The following BCL2 variants were observed in gnomAD, a reference collection of about 807,000 sequenced individuals.
BCL2 encodes BCL2 apoptosis regulator.
Under a neutral mutation model 14.2 loss-of-function variants are expected in BCL2, and 1 was observed. The observed-to-expected ratio is 0.07, with a 90% CI of 0.02 to 0.33. The LOEUF is 0.33. Ranked by LOEUF, BCL2 falls within the 10% of genes least tolerant of loss-of-function variation. The probability of loss-of-function intolerance (pLI) is 0.99; values close to 1 mark genes in which losing one functional copy is unlikely to be tolerated. For synonymous variants in BCL2, 151 were observed against 137.2 expected, an observed-to-expected ratio of 1.10 and a Z score of -0.70; for missense variants, 247 against 305.9, an observed-to-expected ratio of 0.81 and a Z score of 1.44.
intron 2 of BCL2, among the ~76,000 whole-genome samples, chr18:63,145,910 G>C (rs984123166): frequency 1.3e-5 from 2 of 152,158 alleles, no homozygotes; most frequent in Admixed American, 6.5e-5. Flanking sequence ...TGAACAGCGA[G>C]GAGTTGGTGG....
intron 2 of BCL2, among the ~76,000 whole-genome samples, chr18:63,235,103 A>C (rs138752497): frequency 7.6e-4 from 116 of 152,074 alleles, no homozygotes; most frequent in African/African-American, 2.7e-3. Flanking sequence ...GTAATCAGGA[A>C]ATTGCAACTG....
chr18:63,310,687 A>G (rs897368201), intron 2 of BCL2, among the ~76,000 whole-genome samples: 3 of 152,198 alleles, frequency 2.0e-5, no homozygotes, highest in Admixed American at 6.5e-5. Flanking sequence ...GTTAGTGTGC[A>G]TGTTTTCCTA....
chr18:63,223,156 C>T (rs1910449136), intron 2 of BCL2, among the ~76,000 whole-genome samples: 1 of 152,032 alleles, frequency 6.6e-6, no homozygotes, highest in Admixed American at 6.6e-5. Context: ...AATCCCAGCA[C>T]TTTGGGAGGC....
chr18:63,147,983 T>A (rs1284983320), intron 2 of BCL2, among the ~76,000 whole-genome samples: 1 of 152,178 alleles, frequency 6.6e-6, no homozygotes, highest in African/African-American at 2.4e-5. Context: ...GAATGTTTCA[T>A]TCTCCATGCC....
intron 2 of BCL2, chr18:63,161,942 C>T (rs1033244203): frequency 1.3e-5 from 2 of 152,224 alleles, no homozygotes; most frequent in Non-Finnish European, 2.9e-5. Context: ...CCAGCCGGTC[C>T]ATGTGACCTG....
At chr18:63,166,112 G>A (rs1171513567) in intron 2 of BCL2, among the ~76,000 whole-genome samples, 3 of 152,208 alleles carry the variant, frequency 2.0e-5, no homozygotes, top group Admixed American at 1.3e-4. Context: ...GGCTTCCTCG[G>A]AGGGGGACTG....
At chr18:63,141,357 C>G (rs1914355834) in intron 2 of BCL2, among the ~76,000 whole-genome samples, 2 of 152,210 alleles carry the variant, frequency 1.3e-5, no homozygotes. Context: ...CTCCACTGCT[C>G]TTCTCCCCAC....
intron 2 of BCL2, among the ~76,000 whole-genome samples, chr18:63,283,959 G>GGA (rs1175061468): frequency 6.6e-6 from 1 of 152,152 alleles, no homozygotes; most frequent in Non-Finnish European, 1.5e-5. Context: ...AAATCTGACT[G>GGA]GAGACTCCAC....
At position 63,318,840 on chromosome 18, in the gene BCL2, C is replaced by G; in HGVS notation, c.-174G>C. ...CGGAACACTTGATTCTGGTGTTTCC[C>G]CCTTGGCATGAGATGCAGGAAATTT... On this transcript the variant is annotated 5_prime_UTR_variant, in exon 2 of 3. Transcript: ENST00000333681. The surrounding 1 kb of genome is among the most constrained non-coding windows in gnomAD (Gnocchi z 7.4). 1 of 1,403,602 alleles carries G rather than the reference C, an allele frequency of 7.1e-7. No individual in the cohort carries two copies. The highest frequency in any genetic ancestry group is 9.3e-7 in the Non-Finnish European group (1 of 1,077,198). The allele number at this position is 1,403,602 out of a possible 1,614,324, so 86.9% of individuals were successfully genotyped here. A position where few individuals can be genotyped will look rare whatever the true frequency, so the allele number is the denominator to read the frequency against.
intron 2 of BCL2, among the ~76,000 whole-genome samples, chr18:63,251,301 T>G: frequency 6.6e-6 from 1 of 151,972 alleles, no homozygotes; most frequent in East Asian, 1.9e-4. Context: ...GGAACAGTCC[T>G]TGGAAAAGGA....
rs1913945455 is a variant in BCL2 at position 63,127,626 on chromosome 18, A to T, written c.*999T>A. The T allele has an allele frequency of 4.3e-6, 1 of 230,912 alleles. No individual in the cohort carries two copies. The highest frequency in any genetic ancestry group is 8.6e-6 in the Non-Finnish European group (1 of 116,570). 14.3% of individuals were successfully genotyped at this position (230,912 alleles called of 1,614,324 possible). A position where few individuals can be genotyped will look rare whatever the true frequency, so the allele number is the denominator to read the frequency against. On this transcript the variant is annotated 3_prime_UTR_variant, in exon 3 of 3. Transcript: ENST00000333681. ...GCTCAGTTCCAGGACCAGGCCTCCA[A>T]GCTGGGACACAGGCAGGTTCTGCGG...
chr18:63,274,466 G>C (rs564615103), intron 2 of BCL2, among the ~76,000 whole-genome samples: 3 of 151,860 alleles, frequency 2.0e-5, no homozygotes, highest in Admixed American at 2.0e-4. Context: ...TGTATTTTTA[G>C]TAGAGACAGG....
chr18:63,261,823 G>A (rs11875445), intron 2 of BCL2, among the ~76,000 whole-genome samples: 3,528 of 148,962 alleles, frequency 0.024, 118 homozygotes, highest in African/African-American at 0.079. Flanking sequence ...ACAGAATCTC[G>A]CTCTGGAGTG....
intron 2 of BCL2, among the ~76,000 whole-genome samples, chr18:63,269,833 C>T (rs1040438974): frequency 6.6e-6 from 1 of 151,982 alleles, no homozygotes; most frequent in Non-Finnish European, 1.5e-5. Flanking sequence ...AGGTATCTTC[C>T]AACATTTGCA....
At chr18:63,266,986 G>A (rs1221920295) in intron 2 of BCL2, among the ~76,000 whole-genome samples, 1 of 152,206 alleles carries the variant, frequency 6.6e-6, no homozygotes, top group Non-Finnish European at 1.5e-5. Flanking sequence ...AAGCTCAGTA[G>A]GAGTTAGGCA....
intron 2 of BCL2, among the ~76,000 whole-genome samples, chr18:63,135,143 T>G (rs1326651987): frequency 6.6e-6 from 1 of 152,216 alleles, no homozygotes; most frequent in African/African-American, 2.4e-5. Flanking sequence ...AGGAAATTCG[T>G]GGTGGACAGG....
At chr18:63,175,139 G>A (rs1280511017) in intron 2 of BCL2, among the ~76,000 whole-genome samples, 1 of 152,066 alleles carries the variant, frequency 6.6e-6, no homozygotes, top group East Asian at 1.9e-4. Flanking sequence ...TCATTCCCTG[G>A]AACTTTGGGC....
intron 2 of BCL2, among the ~76,000 whole-genome samples, chr18:63,151,653 T>C (rs547096388): frequency 2.2e-4 from 34 of 152,346 alleles, no homozygotes; most frequent in African/African-American, 7.9e-4. Flanking sequence ...TCGGAGCTTA[T>C]TAATTTTCTG....
At chr18:63,197,912 C>T (rs1289681084) in intron 2 of BCL2, among the ~76,000 whole-genome samples, 1 of 152,192 alleles carries the variant, frequency 6.6e-6, no homozygotes, top group Non-Finnish European at 1.5e-5. Context: ...TCCAGTTAAA[C>T]TGATCTGTCT....
Sources: gnomAD v4.1 joint callset for allele counts (sites outside exome capture counted in the v4.1 genomes callset) on GRCh38, gnomAD v4.1.1 for gene constraint, Gnocchi (gnomAD v3.1) non-coding constraint, MANE v1.5 for transcripts, NCBI Gene and HGNC (gene_info 2026-07-23, HGNC 2026-07-21) for gene names.